WDR70: variants seen among roughly 807,000 people sequenced by gnomAD.
The protein encoded by WDR70 is WD repeat-containing protein 70.
In WDR70, 53 loss-of-function variants were observed where a neutral mutation model predicts 88.6. That is an observed-to-expected ratio of 0.60 (90% CI 0.48 to 0.75). The LOEUF (loss-of-function observed/expected upper bound fraction) is 0.75, where lower values mean the gene tolerates loss of function less well. WDR70 is among the 30% of genes least tolerant of loss of function. The probability of loss-of-function intolerance (pLI) is 0.00; values close to 1 mark genes in which losing one functional copy is unlikely to be tolerated. For synonymous variants in WDR70, 280 were observed against 270.0 expected (o/e 1.04, Z -0.36); for missense variants, 610 against 823.2 (o/e 0.74, Z 3.17).
chr5:37,672,644 T>A (rs991573325), intron 10 of WDR70, among the ~76,000 whole-genome samples: 1 of 152,170 alleles, frequency 6.6e-6, no homozygotes, highest in Non-Finnish European at 1.5e-5. Context: ...CCTGCTGACC[T>A]TCTCCCCACT....
intron 8 of WDR70, among the ~76,000 whole-genome samples, chr5:37,482,694 A>C (rs1454124881): frequency 6.6e-6 from 1 of 152,108 alleles, no homozygotes; most frequent in Non-Finnish European, 1.5e-5. Flanking sequence ...TTAATTAAGT[A>C]CCTTAATATC....
At chr5:37,743,289 C>T (rs1748539443) in intron 17 of WDR70, among the ~76,000 whole-genome samples, 1 of 152,250 alleles carries the variant, frequency 6.6e-6, no homozygotes, top group African/African-American at 2.4e-5. Context: ...AACTGTGCAA[C>T]CCACGGATCA....
At chr5:37,566,976 A>G (rs1188266011) in intron 9 of WDR70, among the ~76,000 whole-genome samples, 5 of 152,208 alleles carry the variant, frequency 3.3e-5, no homozygotes, top group Non-Finnish European at 1.5e-5. Context: ...TCTCTGACTC[A>G]TTTTGGGAAG....
intron 13 of WDR70, among the ~76,000 whole-genome samples, chr5:37,720,137 G>A (rs1392902482): frequency 6.6e-6 from 1 of 152,130 alleles, no homozygotes; most frequent in Non-Finnish European, 1.5e-5. Flanking sequence ...ACGTAGTCAT[G>A]ATTTTCATTT....
At chr5:37,561,175 A>G (rs940367185) in intron 9 of WDR70, among the ~76,000 whole-genome samples, 12 of 152,188 alleles carry the variant, frequency 7.9e-5, no homozygotes, top group African/African-American at 2.9e-4. Context: ...CAGACTTGCC[A>G]TGTCTCGTTT....
At chr5:37,506,495 CT>C in intron 8 of WDR70, 2 of 769,502 alleles carry the variant, frequency 2.6e-6, no homozygotes, top group Non-Finnish European at 4.9e-6. Context: ...CACCTCTGTT[CT>C]TAAGCATGTG....
chr5:37,690,484 A>G (rs981899909), intron 10 of WDR70, among the ~76,000 whole-genome samples: 1 of 152,250 alleles, frequency 6.6e-6, no homozygotes, highest in African/African-American at 2.4e-5. Context: ...CCACAAAGGG[A>G]AGCCCATCAG....
intron 10 of WDR70, among the ~76,000 whole-genome samples, chr5:37,671,789 A>T (rs181447136): frequency 1.5e-3 from 227 of 152,290 alleles, no homozygotes; most frequent in Admixed American, 3.1e-3. Flanking sequence ...AAATGTTAAG[A>T]TTATTGACAA....
intron 8 of WDR70, among the ~76,000 whole-genome samples, chr5:37,490,685 G>A (rs1238294663): frequency 6.6e-6 from 1 of 152,080 alleles, no homozygotes; most frequent in Non-Finnish European, 1.5e-5. Flanking sequence ...GGGCTTTGTT[G>A]CCGGGGGTAG....
intron 8 of WDR70, among the ~76,000 whole-genome samples, chr5:37,515,627 T>C (rs1451883728): frequency 1.3e-5 from 2 of 152,268 alleles, no homozygotes; most frequent in Non-Finnish European, 2.9e-5. Flanking sequence ...CAGGCCTATG[T>C]ATCTTTTCAG....
intron 9 of WDR70, among the ~76,000 whole-genome samples, chr5:37,577,861 C>A (rs1384757399): frequency 6.6e-6 from 1 of 152,046 alleles, no homozygotes; most frequent in East Asian, 1.9e-4. Flanking sequence ...GAATTGCAGC[C>A]CAGGTGATGG....
chr5:37,730,375 T>C (rs1748110865), intron 17 of WDR70, among the ~76,000 whole-genome samples: 1 of 152,156 alleles, frequency 6.6e-6, no homozygotes, highest in African/African-American at 2.4e-5. Flanking sequence ...CCCATCTTTA[T>C]TGAGGTATGA....
At chr5:37,411,618 C>T (rs1581257425) in intron 5 of WDR70, among the ~76,000 whole-genome samples, 2 of 152,028 alleles carry the variant, frequency 1.3e-5, no homozygotes, top group African/African-American at 2.4e-5. Flanking sequence ...TCCAGCTACT[C>T]GGGAGGCTGA....
intron 10 of WDR70, among the ~76,000 whole-genome samples, chr5:37,647,116 T>C (rs1350944215): frequency 2.0e-5 from 3 of 152,296 alleles, no homozygotes; most frequent in East Asian, 3.9e-4. Flanking sequence ...AGCTCACTAA[T>C]TCTTTCTTCT....
At chr5:37,557,938 G>GA (rs1742346482) in intron 9 of WDR70, among the ~76,000 whole-genome samples, 2 of 151,358 alleles carry the variant, frequency 1.3e-5, no homozygotes, top group East Asian at 2.0e-4. Context: ...GTACTCTTTT[G>GA]AATACTCTTC....
chr5:37,636,249 T>C (rs1019489683), intron 10 of WDR70, among the ~76,000 whole-genome samples: 2 of 152,128 alleles, frequency 1.3e-5, no homozygotes, highest in Non-Finnish European at 2.9e-5. Flanking sequence ...CTATAACCCA[T>C]AGAATAAGTT....
intron 9 of WDR70, among the ~76,000 whole-genome samples, chr5:37,596,721 T>G (rs1290817759): frequency 1.3e-5 from 2 of 152,246 alleles, no homozygotes; most frequent in Non-Finnish European, 2.9e-5. Context: ...TATATATGTA[T>G]ATTGCATATA....
chr5:37,739,659 A>G (rs1420442304), intron 17 of WDR70, among the ~76,000 whole-genome samples: 1 of 152,020 alleles, frequency 6.6e-6, no homozygotes, highest in African/African-American at 2.4e-5. Flanking sequence ...TCATATATAT[A>G]TATACTTTAA....
At chr5:37,387,289 G>T (rs1269741892) in intron 3 of WDR70, among the ~76,000 whole-genome samples, 2 of 152,124 alleles carry the variant, frequency 1.3e-5, no homozygotes, top group East Asian at 3.8e-4. Flanking sequence ...AGATTAAGAT[G>T]TTGGGTGTAG....
Sources: allele counts gnomAD v4.1 joint callset (sites outside exome capture counted in the v4.1 genomes callset), GRCh38; gene constraint gnomAD v4.1.1; transcripts MANE v1.5; gene names NCBI Gene and HGNC (gene_info 2026-07-23, HGNC 2026-07-21).